COPB2: variants seen among roughly 807,000 people sequenced by gnomAD.
COPB2 encodes the protein coat protein complex I subunit beta 2, also known as coatomer subunit beta'.
In COPB2, 16 loss-of-function variants were observed where a neutral mutation model predicts 120.8. The ratio of observed to expected loss-of-function variants is 0.13; its 90% confidence interval spans 0.09 to 0.20. The LOEUF (loss-of-function observed/expected upper bound fraction) is 0.20, where lower values mean the gene tolerates loss of function less well. COPB2 is among the 10% of genes least tolerant of loss of function. The pLI is 1.00. For synonymous variants in COPB2, 332 were observed against 366.3 expected, an observed-to-expected ratio of 0.91 and a Z score of 1.07; for missense variants, 794 against 1,076.5, an observed-to-expected ratio of 0.74 and a Z score of 3.67.
intron 1 of COPB2, among the ~76,000 whole-genome samples, chr3:139,384,229 A>G (rs1348052596): frequency 6.6e-6 from 1 of 152,200 alleles, no homozygotes; most frequent in East Asian, 1.9e-4. Context: ...TCTCTCATGC[A>G]TGTTTTTCTA....
intron 2 of COPB2, chr3:139,383,060 T>C (rs982245019): frequency 1.4e-5 from 7 of 500,350 alleles, no homozygotes; most frequent in Non-Finnish European, 2.1e-5. Flanking sequence ...AAAGAGCTAA[T>C]ACTACCTAAG....
At chr3:139,373,449 G>A (rs1384224457) in intron 8 of COPB2, 37 bp from the exon 9 acceptor site, 2 of 1,607,900 alleles carry the variant, frequency 1.2e-6, no homozygotes, top group African/African-American at 2.7e-5. Flanking sequence ...CAATGAAAAG[G>A]AAAATGAATA....
rs569240817 is a variant in COPB2 at position 139,383,484 on chromosome 3, G to A, written c.4-49C>T. ...TAAATTGCTAAGCCAAATAAAATAT[G>A]TTTGAGATTTTAACTAAATAAGTGC... On this transcript the variant is annotated intron_variant, in intron 1 of 21. Transcript: ENST00000333188. 2.3e-5 allele frequency: 34 copies of A among 1,453,766 alleles called. 1 individual carries two copies. The South Asian group carries it at 5.0e-4, about 21-fold the overall frequency. The allele number at this position is 1,453,766 out of a possible 1,614,324, so 90.1% of individuals were successfully genotyped here. A position where few individuals can be genotyped will look rare whatever the true frequency, so the allele number is the denominator to read the frequency against.
At chr3:139,373,875 A>C in intron 7 of COPB2, 67 bp from the exon 8 acceptor site, 1 of 1,577,150 alleles carries the variant, frequency 6.3e-7, no homozygotes, top group South Asian at 1.1e-5. Context: ...GTCAGGTGAA[A>C]GAGACCCATA....
At chr3:139,367,713 T>C (rs532500526) in intron 13 of COPB2, among the ~76,000 whole-genome samples, 70 of 152,262 alleles carry the variant, frequency 4.6e-4, no homozygotes, top group Admixed American at 7.9e-4. Context: ...TGAAATCTCA[T>C]TGTTGGGTCA....
At chr3:139,389,676 T>G, upstream of COPB2, 68 of 985,506 alleles carry the variant, frequency 6.9e-5, no homozygotes, top group Non-Finnish European at 9.2e-5. Context: ...ATTCTCGCGA[T>G]AGTCAGAGGC....
In COPB2 at chr3:139,357,624, T is replaced by C. The variant is rs1941314510; in HGVS notation, c.*239A>G. The C allele has an allele frequency of 5.5e-6, 2 of 365,444 alleles. No homozygotes were observed. The highest frequency in any genetic ancestry group is 9.7e-6 in the Non-Finnish European group (2 of 205,428). The allele number at this position is 365,444 out of a possible 1,614,324, so 22.6% of individuals were successfully genotyped here. A position where few individuals can be genotyped will look rare whatever the true frequency, so the allele number is the denominator to read the frequency against. On this transcript the variant is annotated 3_prime_UTR_variant, in exon 22 of 22. Coordinates refer to ENST00000333188, the MANE Select transcript of COPB2 (RefSeq NM_004766.3). The stretch of plus-strand genomic sequence containing the variant: ...AAAGGTTTTATGAGATATGGTCTAA[T>C]AGTATGAAAAAAATCAAAGCCCATG...
intron 17 of COPB2, among the ~76,000 whole-genome samples, chr3:139,360,027 A>G (rs990707196): frequency 3.9e-5 from 6 of 152,194 alleles, no homozygotes; most frequent in African/African-American, 1.4e-4. Context: ...AGTTCAGCTC[A>G]GGTCTTGCCA....
chr3:139,358,313 T>G lies in COPB2; in HGVS notation c.2554-42A>C, dbSNP rs768163213. Reference sequence around the variant, plus strand: ...AGATATATATGAAGACAAGGGAATTTACTCGGGAATTTAAAGTTTTCCCCC... The same window carrying G: ...AGATATATATGAAGACAAGGGAATTGACTCGGGAATTTAAAGTTTTCCCCC... On this transcript the variant is annotated intron_variant, in intron 20 of 21. Coordinates refer to ENST00000333188, the MANE Select transcript of COPB2 (RefSeq NM_004766.3). The G allele has an allele frequency of 5.9e-6, 9 of 1,534,680 alleles. No homozygotes were observed. The South Asian group carries it at 1.0e-4, about 17-fold the overall frequency.
chr3:139,357,718 G>A lies in COPB2; in HGVS notation c.*145C>T. 1 of 490,384 alleles carries A rather than the reference G, an allele frequency of 2.0e-6. No individual in the cohort carries two copies. The highest frequency in any genetic ancestry group is 3.6e-6 in the Non-Finnish European group (1 of 280,124). 30.4% of individuals were successfully genotyped at this position (490,384 alleles called of 1,614,324 possible). A position where few individuals can be genotyped will look rare whatever the true frequency, so the allele number is the denominator to read the frequency against. ...ACATAAACTCTTCTTAAGATGATGT[G>A]GGCATTGTGCTCCCAGTGGTCCACA... On this transcript the variant is annotated 3_prime_UTR_variant, in exon 22 of 22. Coordinates refer to ENST00000333188, the MANE Select transcript of COPB2 (RefSeq NM_004766.3).
In COPB2 at chr3:139,359,338, T is replaced by G. The variant is rs1941366405; in HGVS notation, c.2235A>C (p.Leu745Phe). The change falls in exon 18 of 22, where the codon TTA (leucine) becomes TTC (phenylalanine). Residue 745 changes from leucine (L) to phenylalanine (F), a missense_variant. Leu to Phe is a conservative substitution (Grantham distance 22, BLOSUM62 0). Coordinates refer to ENST00000333188, the MANE Select transcript of COPB2 (RefSeq NM_004766.3). ...QGKVDACLEL[L>F]IRTGRLPEAA... is the part of the protein sequence containing the mutation. ...CTTCTGGCAGCCGTCCAGTTCTAAT[T>G]AAGAGCTCTAGGCAGGCATCAACCC... 1 of 1,613,972 alleles carries G rather than the reference T, an allele frequency of 6.2e-7. No homozygotes were observed. Among genetic ancestry groups the G allele is most frequent in the African/African-American group, 1.3e-5 (1 of 74,890 alleles).
At chr3:139,368,415 T>C in intron 12 of COPB2, 127 bp from the exon 13 acceptor site, 1 of 987,796 alleles carries the variant, frequency 1.0e-6, no homozygotes, top group Non-Finnish European at 1.4e-6. Context: ...CTTAACAATT[T>C]TATGTGGCAT....
rs1942017727 is a variant in COPB2, at chr3:139,389,646, C to G, written c.-96G>C. The G allele has an allele frequency of 7.6e-7, 1 of 1,312,538 alleles. No individual in the cohort carries two copies. The allele number at this position is 1,312,538 out of a possible 1,614,324, so 81.3% of individuals were successfully genotyped here. A position where few individuals can be genotyped will look rare whatever the true frequency, so the allele number is the denominator to read the frequency against. ...ATCCACTGACCGTCAGACTGACTGA[C>G]GTGGAACTTCCGGGAGCCGATTCTC... On this transcript the variant is annotated 5_prime_UTR_variant, in exon 1 of 22. Coordinates refer to ENST00000333188, the MANE Select transcript of COPB2 (RefSeq NM_004766.3).
intron 10 of COPB2, among the ~76,000 whole-genome samples, chr3:139,371,432 A>G (rs891668753): frequency 1.3e-5 from 2 of 152,176 alleles, no homozygotes; most frequent in Non-Finnish European, 2.9e-5. Context: ...TTAAGCCCAT[A>G]AAGCACCAGG....
Position 139,362,493 on chromosome 3 carries a change from C to A in COPB2, c.1909G>T (p.Val637Leu). ...AAACGATGCTCAGGATCTGTGGATA[C>A]TGTAAGAGCTTGCTGCTTGAAGCCC... ...KQGFKQQALT[V>L]STDPEHRFEL... is the part of the protein sequence containing the mutation. The change falls in exon 16 of 22, where the codon GTA (valine) becomes TTA (leucine). Residue 637 changes from valine (V) to leucine (L), a missense_variant. By Grantham distance (32) the Val-to-Leu change is conservative (BLOSUM62 1). Coordinates refer to ENST00000333188, the MANE Select transcript of COPB2 (RefSeq NM_004766.3). 6.2e-7 allele frequency: 1 copy of A among 1,608,510 alleles called. No homozygotes were observed. The highest frequency in any genetic ancestry group is 8.5e-7 in the Non-Finnish European group (1 of 1,177,800).
rs1405367458 is a variant in COPB2 at position 139,383,229 on chromosome 3, C to A, written c.141+69G>T. On this transcript the variant is annotated intron_variant, in intron 2 of 21. Transcript: ENST00000333188. ...GATTCTGGATTCTGTTATAATATTT[C>A]TTCTCTTTCATTATAAACACAGTCT... 8 of 1,545,640 alleles carry A rather than the reference C, an allele frequency of 5.2e-6. No homozygotes were observed. In the East Asian group the frequency reaches 1.6e-4, roughly 31 times the overall value.
chr3:139,383,570 G>T, intron 1 of COPB2, 135 bp from the exon 2 acceptor site: 1 of 762,344 alleles, frequency 1.3e-6, no homozygotes, highest in Non-Finnish European at 2.0e-6. Flanking sequence ...ACAGTTTCAA[G>T]TCTAAGCACT....
rs2107801568 is a variant in COPB2, at chr3:139,369,244, A to C, written c.1401+17T>G. ...AAAAATAAATATTCCAAAAACAACA[A>C]TGGAGGGGAAACTCACATGTTTGGG... On this transcript the variant is annotated intron_variant, in intron 12 of 21. Transcript: ENST00000333188. 1 of 1,589,960 alleles carries C rather than the reference A, an allele frequency of 6.3e-7. No homozygotes were observed. The highest frequency in any genetic ancestry group is 2.2e-5 in the East Asian group (1 of 44,578).
At chr3:139,378,721 C>A (rs1941759133) in intron 4 of COPB2, among the ~76,000 whole-genome samples, 2 of 152,200 alleles carry the variant, frequency 1.3e-5, no homozygotes, top group African/African-American at 4.8e-5. Context: ...AAAGATTGAA[C>A]TGAATAGGGT....
Sources: gnomAD v4.1 joint callset for allele counts (sites outside exome capture counted in the v4.1 genomes callset) on GRCh38, gnomAD v4.1.1 for gene constraint, MANE v1.5 for transcripts, NCBI Gene and HGNC (gene_info 2026-07-23, HGNC 2026-07-21) for gene names.